SETD7: variants seen among roughly 807,000 people sequenced by gnomAD.
SETD7 encodes the protein histone-lysine N-methyltransferase SETD7.
Under a neutral mutation model 41.8 loss-of-function variants are expected in SETD7, and 16 were observed. The observed-to-expected ratio is 0.38, with a 90% confidence interval of 0.26 to 0.58. SETD7 has a LOEUF of 0.58. SETD7 is among the 20% of genes least tolerant of loss of function. The pLI, the probability that SETD7 is intolerant of heterozygous loss-of-function variation, is 0.64. For synonymous variants in SETD7, 163 were observed against 169.7 expected, an observed-to-expected ratio of 0.96 and a Z score of 0.31; for missense variants, 346 against 459.7, an observed-to-expected ratio of 0.75 and a Z score of 2.26.
intron 2 of SETD7, among the ~76,000 whole-genome samples, chr4:139,539,758 A>T (rs888183672): frequency 6.6e-6 from 1 of 152,208 alleles, no homozygotes; most frequent in Non-Finnish European, 1.5e-5. Flanking sequence ...TTTGGGAGGT[A>T]ATTTGGTCCC....
downstream of SETD7, among the ~76,000 whole-genome samples, chr4:139,502,978 T>G (rs1442909823): frequency 2.0e-5 from 3 of 151,054 alleles, no homozygotes. Context: ...AGCTCAGGAG[T>G]TCGAGACCAG....
intron 6 of SETD7, 80 bp from the exon 7 acceptor site, chr4:139,518,122 T>C: frequency 7.2e-7 from 1 of 1,398,044 alleles, no homozygotes; most frequent in Non-Finnish European, 9.5e-7. Flanking sequence ...TTAACTCATT[T>C]ATCTTATTAT....
chr4:139,528,932 G>C, intron 4 of SETD7, 99 bp downstream of exon 4: 1 of 1,043,562 alleles, frequency 9.6e-7, no homozygotes, highest in South Asian at 1.4e-5. Context: ...CGATTAAAGA[G>C]AACTATACAG....
At chr4:139,531,335 T>C (rs954144412) in intron 3 of SETD7, among the ~76,000 whole-genome samples, 1 of 152,198 alleles carries the variant, frequency 6.6e-6, no homozygotes, top group African/African-American at 2.4e-5. Context: ...AAATGACAGG[T>C]AGTAGGAGAA....
chr4:139,552,777 A>G (rs1728146471), intron 1 of SETD7, among the ~76,000 whole-genome samples: 1 of 152,148 alleles, frequency 6.6e-6, no homozygotes, highest in African/African-American at 2.4e-5. Context: ...CTTCTGGAAA[A>G]TCTTTCCCCT....
intron 7 of SETD7, among the ~76,000 whole-genome samples, chr4:139,512,478 G>GCTTC (rs1376538715): frequency 2.2e-4 from 33 of 152,310 alleles, no homozygotes; most frequent in Non-Finnish European, 4.3e-4. Context: ...AGCATCCTAT[G>GCTTC]AAGAGAGCAG....
At chr4:139,530,691 A>C (rs571121932) in intron 3 of SETD7, among the ~76,000 whole-genome samples, 27 of 152,258 alleles carry the variant, frequency 1.8e-4, no homozygotes, top group Middle Eastern at 3.4e-3. Flanking sequence ...AGGGTCTCAC[A>C]CCTTTCCCCT....
intron 3 of SETD7, 184 bp downstream of exon 3, chr4:139,532,981 G>A: frequency 3.4e-6 from 2 of 596,402 alleles, no homozygotes; most frequent in South Asian, 2.1e-5. Flanking sequence ...CGGATTCAAG[G>A]GCCAACAATC....
At chr4:139,549,202 A>G (rs151005822) in intron 1 of SETD7, among the ~76,000 whole-genome samples, 169 of 152,350 alleles carry the variant, frequency 1.1e-3, no homozygotes, top group Admixed American at 1.7e-3. Context: ...TGCTTTCACC[A>G]TAGAAAACAG....
chr4:139,528,632 C>T (rs192548093), intron 4 of SETD7, among the ~76,000 whole-genome samples: 70 of 152,324 alleles, frequency 4.6e-4, no homozygotes, highest in Middle Eastern at 3.4e-3. Context: ...CATGTCAGTT[C>T]CAAGGTGAGG....
rs1726872211 is a variant in SETD7, at chr4:139,511,441, C to T, written c.*222G>A. On this transcript the variant is annotated 3_prime_UTR_variant, in exon 8 of 8. Coordinates refer to ENST00000274031, the MANE Select transcript of SETD7 (RefSeq NM_030648.4). ...ACGCTGTCTTATGTCAAATGCTCGA[C>T]AATACCTCTCAGTAGGACGTTGTTG... 25 of 663,100 alleles carry T rather than the reference C, an allele frequency of 3.8e-5. No individual in the cohort carries two copies. In the South Asian group the frequency reaches 5.4e-4, roughly 14 times the overall value. 41.1% of individuals were successfully genotyped at this position (663,100 alleles called of 1,614,324 possible). A position where few individuals can be genotyped will look rare whatever the true frequency, so the allele number is the denominator to read the frequency against.
In SETD7 at chr4:139,506,547, T is replaced by C. The variant is rs1334983514; in HGVS notation, c.*5116A>G. On this transcript the variant is annotated 3_prime_UTR_variant, in exon 8 of 8. Transcript: ENST00000274031. ...GCAGGTATTACGTAGTCCCTGTAGC[T>C]TCCCAATACATGAATCAAGGTTAAT... 2 of 152,642 alleles carry C rather than the reference T, an allele frequency of 1.3e-5. No individual in the cohort carries two copies. Among genetic ancestry groups the C allele is most frequent in the Non-Finnish European group, 2.9e-5 (2 of 68,044 alleles). 9.5% of individuals were successfully genotyped at this position (152,642 alleles called of 1,614,324 possible).
At chr4:139,501,833 G>A (rs1000185675), downstream of SETD7, among the ~76,000 whole-genome samples, 12 of 152,286 alleles carry the variant, frequency 7.9e-5, no homozygotes, top group South Asian at 2.5e-3. Flanking sequence ...GCAGGGCAGC[G>A]GAGACACGGC....
intron 4 of SETD7, among the ~76,000 whole-genome samples, chr4:139,528,067 A>G (rs1326197775): frequency 1.3e-5 from 2 of 152,166 alleles, no homozygotes; most frequent in African/African-American, 4.8e-5. Context: ...TCAGAAATAC[A>G]TGCATATATT....
In SETD7 at chr4:139,507,413, CAG is replaced by C. The variant is rs1377058758; in HGVS notation, c.*4248_*4249del. ...CAACGCCGAGGAAGTTGCTGAGAGT[CAG>C]AGTTATTGTAGGCTTTTGATTTTTA... On this transcript the variant is annotated 3_prime_UTR_variant, in exon 8 of 8. Coordinates refer to ENST00000274031, the MANE Select transcript of SETD7 (RefSeq NM_030648.4). 1 of 152,594 alleles carries C rather than the reference CAG, an allele frequency of 6.6e-6. No homozygotes were observed. Among genetic ancestry groups the C allele is most frequent in the Non-Finnish European group, 1.5e-5 (1 of 68,048 alleles). The allele number at this position is 152,594 out of a possible 1,614,324, so 9.5% of individuals were successfully genotyped here. A position where few individuals can be genotyped will look rare whatever the true frequency, so the allele number is the denominator to read the frequency against.
chr4:139,499,825 A>C (rs1480222371), intron 7 of SETD7, among the ~76,000 whole-genome samples: 1 of 152,180 alleles, frequency 6.6e-6, no homozygotes, highest in Non-Finnish European at 1.5e-5. Context: ...AGTGGGCAAG[A>C]AGAACCCACT....
intron 3 of SETD7, among the ~76,000 whole-genome samples, chr4:139,530,192 GTATAAC>G (rs1727443863): frequency 6.6e-6 from 1 of 151,842 alleles, no homozygotes; most frequent in African/African-American, 2.4e-5. Flanking sequence ...GGTCCTCATG[GTATAAC>G]TTTGAAAATT....
At chr4:139,500,506 G>GT (rs1380208352) in intron 7 of SETD7, among the ~76,000 whole-genome samples, 1 of 152,172 alleles carries the variant, frequency 6.6e-6, no homozygotes, top group Admixed American at 6.5e-5. Flanking sequence ...GGTGGTTTTT[G>GT]TTTGTTTGTT....
At chr4:139,538,210 A>T (rs2111160696) in intron 2 of SETD7, among the ~76,000 whole-genome samples, 2 of 152,306 alleles carry the variant, frequency 1.3e-5, no homozygotes, top group South Asian at 4.1e-4. Flanking sequence ...AATACCTCTA[A>T]AAAAAAGCAA....
Sources: allele counts gnomAD v4.1 joint callset (sites outside exome capture counted in the v4.1 genomes callset), GRCh38; gene constraint gnomAD v4.1.1; transcripts MANE v1.5; gene names NCBI Gene and HGNC (gene_info 2026-07-23, HGNC 2026-07-21).